Variants in IGSF10 observed in about 807,000 individuals in gnomAD.
The protein encoded by IGSF10 is calvaria mechanical force protein 608.
IGSF10 carries 126 observed loss-of-function variants against 128.2 expected under a neutral mutation model. The ratio of observed to expected loss-of-function variants is 0.98; its 90% CI spans 0.85 to 1.14. The LOEUF (loss-of-function observed/expected upper bound fraction) is 1.14, where lower values mean the gene tolerates loss of function less well. IGSF10 is among the 50% of genes most tolerant of loss of function. The probability of loss-of-function intolerance (pLI) is 0.00; values close to 1 mark genes in which losing one functional copy is unlikely to be tolerated. For synonymous variants in IGSF10, 1,185 were observed against 1,146.2 expected (o/e 1.03, Z -0.68); for missense variants, 3,295 against 3,149.8 (o/e 1.05, Z -1.10).
the IGSF10 span, among the ~76,000 whole-genome samples, chr3:151,546,720 C>T: frequency 1.3e-5 from 2 of 152,210 alleles, no homozygotes; most frequent in East Asian, 3.9e-4. Context: ...GTCCCTCTTC[C>T]CCATTCTATA....
upstream of IGSF10, among the ~76,000 whole-genome samples, chr3:151,461,927 T>A (rs1722075751): frequency 6.6e-6 from 1 of 152,242 alleles, no homozygotes; most frequent in Non-Finnish European, 1.5e-5. Context: ...GTTTTTTAAC[T>A]GCCAAACAAT....
chr3:151,614,528 G>A, the IGSF10 span, among the ~76,000 whole-genome samples: 3 of 152,150 alleles, frequency 2.0e-5, no homozygotes, highest in Non-Finnish European at 2.9e-5. Flanking sequence ...GTAGGGACAT[G>A]GATGAAACTG....
chr3:151,519,952 A>C, the IGSF10 span, among the ~76,000 whole-genome samples: 6 of 151,862 alleles, frequency 4.0e-5, 1 homozygote, highest in African/African-American at 1.4e-4. Flanking sequence ...TTCATATTGA[A>C]ATAATACCTG....
At chr3:151,593,402 AT>A in the IGSF10 span, among the ~76,000 whole-genome samples, 1 of 152,162 alleles carries the variant, frequency 6.6e-6, no homozygotes, top group East Asian at 1.9e-4. Context: ...ATAAGCCACC[AT>A]GCCTGGCTTC....
the IGSF10 span, among the ~76,000 whole-genome samples, chr3:151,501,356 T>A: frequency 6.6e-6 from 1 of 152,048 alleles, no homozygotes; most frequent in African/African-American, 2.4e-5. Context: ...CTCTGAATCT[T>A]TTTTATATGT....
intron 2 of IGSF10, among the ~76,000 whole-genome samples, chr3:151,459,638 A>G (rs1179472318): frequency 6.6e-6 from 1 of 152,212 alleles, no homozygotes; most frequent in African/African-American, 2.4e-5. Context: ...GGTGGGGAGC[A>G]TAACCAGGGA....
rs200910795 is a variant in IGSF10, at chr3:151,445,723, C to T, written c.4258G>A (p.Val1420Met). The change falls in exon 6 of 8, where the codon GTG becomes ATG. Residue 1420 changes from valine (V) to methionine (M), a missense_variant. By Grantham distance (21) the Val-to-Met change is conservative (BLOSUM62 1). Coordinates refer to ENST00000282466, the MANE Select transcript of IGSF10 (RefSeq NM_178822.5). ...FHSRTLNLTD[V>M]IEELAQASTQ... ...CTTGCTTGGGCTAGTTCTTCAATCA[C>T]ATCTGTCAGATTAAGAGTTCTTGAA... 39 of 1,614,076 alleles carry T rather than the reference C, an allele frequency of 2.4e-5. No individual in the cohort carries two copies. The highest frequency in any genetic ancestry group is 1.6e-4 in the Middle Eastern group (1 of 6,062).
the IGSF10 span, among the ~76,000 whole-genome samples, chr3:151,592,219 A>AAC: frequency 3.6e-5 from 2 of 56,112 alleles, no homozygotes; most frequent in African/African-American, 8.8e-5. Context: ...TTTTGAGATT[A>AAC]ATACACACAC....
At chr3:151,599,322 G>C in the IGSF10 span, among the ~76,000 whole-genome samples, 3 of 152,182 alleles carry the variant, frequency 2.0e-5, no homozygotes, top group Admixed American at 2.0e-4. Context: ...CACCACACTA[G>C]GAGGAACTGG....
the IGSF10 span, among the ~76,000 whole-genome samples, chr3:151,497,692 G>GT: frequency 5.3e-5 from 8 of 152,188 alleles, no homozygotes; most frequent in Non-Finnish European, 7.4e-5. Context: ...CTTTAAAGCA[G>GT]TTTTTTTCCA....
the IGSF10 span, among the ~76,000 whole-genome samples, chr3:151,478,584 A>G: frequency 6.6e-6 from 1 of 152,236 alleles, no homozygotes; most frequent in South Asian, 2.1e-4. Context: ...AACTAGACAG[A>G]TAATTTAAAA....
At chr3:151,562,918 G>A in the IGSF10 span, among the ~76,000 whole-genome samples, 1 of 152,050 alleles carries the variant, frequency 6.6e-6, no homozygotes, top group African/African-American at 2.4e-5. Flanking sequence ...ATATAAAAAT[G>A]TTCATTTAAC....
chr3:151,541,018 G>A, the IGSF10 span, among the ~76,000 whole-genome samples: 444 of 152,266 alleles, frequency 2.9e-3, 2 homozygotes, highest in African/African-American at 0.01. Context: ...AGACATCAGA[G>A]GGAGTTCAGT....
At chr3:151,523,002 T>C in the IGSF10 span, among the ~76,000 whole-genome samples, 1 of 151,962 alleles carries the variant, frequency 6.6e-6, no homozygotes, top group Admixed American at 6.6e-5. Context: ...CAAAAATCAC[T>C]AGCATTCCTA....
chr3:151,458,425 A>G, intron 3 of IGSF10, 91 bp downstream of exon 3: 1 of 925,852 alleles, frequency 1.1e-6, no homozygotes, highest in Non-Finnish European at 1.6e-6. Flanking sequence ...AACAATTGAG[A>G]TTCATCTCCC....
At chr3:151,474,473 A>G in the IGSF10 span, among the ~76,000 whole-genome samples, 2 of 152,198 alleles carry the variant, frequency 1.3e-5, no homozygotes, top group Non-Finnish European at 2.9e-5. Flanking sequence ...CCAAGTTATT[A>G]TGATTTGTAT....
upstream of IGSF10, among the ~76,000 whole-genome samples, chr3:151,462,219 G>A (rs1367206406): frequency 2.0e-5 from 3 of 152,110 alleles, no homozygotes; most frequent in Admixed American, 2.0e-4. Context: ...AGCTTTTGAT[G>A]ACAATTTGCA....
chr3:151,479,579 A>G, the IGSF10 span, among the ~76,000 whole-genome samples: 3 of 152,230 alleles, frequency 2.0e-5, no homozygotes, highest in Admixed American at 6.5e-5. Context: ...TCTCATGGAC[A>G]CTTAGAGCAA....
the IGSF10 span, among the ~76,000 whole-genome samples, chr3:151,511,313 A>G: frequency 2.6e-5 from 4 of 152,234 alleles, no homozygotes; most frequent in Non-Finnish European, 5.9e-5. Flanking sequence ...CCAATATTCA[A>G]CATTCTTAAA....
Sources: gnomAD v4.1 joint callset for allele counts (sites outside exome capture counted in the v4.1 genomes callset) on GRCh38, gnomAD v4.1.1 for gene constraint, MANE v1.5 for transcripts, NCBI Gene and HGNC (gene_info 2026-07-23, HGNC 2026-07-21) for gene names.